CTNND2: variants seen among roughly 807,000 people sequenced by gnomAD.
CTNND2 encodes the protein catenin delta-2.
A neutral mutation model predicts 144.4 loss-of-function variants in CTNND2; 22 were observed. That is an observed-to-expected ratio of 0.15 (90% CI 0.11 to 0.22). The LOEUF is 0.22. Among genes scored for constraint, CTNND2 ranks in the 10% least tolerant of loss-of-function variants. The pLI, the probability that CTNND2 is intolerant of heterozygous loss-of-function variation, is 1.00. For synonymous variants in CTNND2, 751 were observed against 695.6 expected, an observed-to-expected ratio of 1.08 and a Z score of -1.25; for missense variants, 1,353 against 1,618.8, an observed-to-expected ratio of 0.84 and a Z score of 2.82.
At chr5:11,453,524 G>T (rs898871948) in intron 3 of CTNND2, among the ~76,000 whole-genome samples, 1 of 152,154 alleles carries the variant, frequency 6.6e-6, no homozygotes, top group African/African-American at 2.4e-5. Flanking sequence ...AATCATAGGA[G>T]GTTTCAGCCG....
chr5:11,415,930 T>C (rs1436951756), intron 3 of CTNND2, among the ~76,000 whole-genome samples: 1 of 152,170 alleles, frequency 6.6e-6, no homozygotes, highest in Non-Finnish European at 1.5e-5. Context: ...TGAGTAACTA[T>C]GTGGAATGGA....
At chr5:11,377,726 G>A (rs1247720777) in intron 7 of CTNND2, among the ~76,000 whole-genome samples, 1 of 152,098 alleles carries the variant, frequency 6.6e-6, no homozygotes, top group Admixed American at 6.5e-5. Context: ...AAGACATTTT[G>A]GGCCACCTCG....
chr5:11,117,602 G>C (rs369089757), intron 12 of CTNND2, 35 bp from the exon 13 acceptor site: 227 of 1,529,434 alleles, frequency 1.5e-4, no homozygotes, highest in Non-Finnish European at 1.9e-4. Context: ...CGATCTTCAC[G>C]GTTGTCACCA....
intron 9 of CTNND2, among the ~76,000 whole-genome samples, chr5:11,238,461 A>C (rs1342258770): frequency 6.6e-6 from 1 of 152,240 alleles, no homozygotes; most frequent in African/African-American, 2.4e-5. Flanking sequence ...AAAGGTTAAA[A>C]GTGTCCTCAA....
intron 1 of CTNND2, among the ~76,000 whole-genome samples, chr5:11,763,747 T>A (rs4702823): frequency 6.6e-6 from 1 of 152,042 alleles, no homozygotes; most frequent in Non-Finnish European, 1.5e-5. Context: ...AAATGGATGA[T>A]ATGAGCTTCA....
chr5:11,327,674 T>A (rs1752667364), intron 9 of CTNND2, among the ~76,000 whole-genome samples: 1 of 152,186 alleles, frequency 6.6e-6, no homozygotes, highest in Non-Finnish European at 1.5e-5. Context: ...CATCATAACG[T>A]CATAGCTTGG....
At chr5:11,241,405 G>T (rs916499710) in intron 9 of CTNND2, among the ~76,000 whole-genome samples, 2 of 152,196 alleles carry the variant, frequency 1.3e-5, no homozygotes, top group Non-Finnish European at 2.9e-5. Context: ...AGACTGGAAG[G>T]TGAACGTAAG....
At chr5:11,102,970 A>ATTTTTTTTTTTTTTTTTT (rs778134907) in intron 14 of CTNND2, among the ~76,000 whole-genome samples, 10 of 84,090 alleles carry the variant, frequency 1.2e-4, no homozygotes, top group East Asian at 3.9e-4. Flanking sequence ...TATTTAAAAG[A>ATTTTTTTTTTTTTTTTTT]TTTTTTTTTT....
At chr5:11,885,981 A>G (rs1016101413) in intron 1 of CTNND2, among the ~76,000 whole-genome samples, 1 of 152,136 alleles carries the variant, frequency 6.6e-6, no homozygotes, top group African/African-American at 2.4e-5. Flanking sequence ...AAACAAATAA[A>G]AATGGAAACA....
intron 12 of CTNND2, among the ~76,000 whole-genome samples, chr5:11,152,658 C>T (rs1164495037): frequency 1.3e-5 from 2 of 152,170 alleles, no homozygotes; most frequent in Non-Finnish European, 2.9e-5. Flanking sequence ...GAGCCCTCGT[C>T]ACTGGTGGAG....
chr5:11,888,612 T>G (rs1246407310), intron 1 of CTNND2, among the ~76,000 whole-genome samples: 1 of 152,120 alleles, frequency 6.6e-6, no homozygotes, highest in East Asian at 1.9e-4. Flanking sequence ...TTGAGGAGAG[T>G]GAAAATAATT....
rs142671622 is a variant in CTNND2, at chr5:11,852,446, A to G, written c.37+51371T>C. On this transcript the variant is annotated intron_variant, in intron 1 of 21. Transcript: ENST00000304623. ...AACAAATGGCAAGAATCAAGAGAGA[A>G]CTGAGAAAAATACTGTGAGAAAACT... 1.9e-3 allele frequency among the ~76,000 whole-genome samples: 290 copies of G among 152,332 alleles called. 1 individual carries two copies. The highest frequency in any genetic ancestry group is 6.7e-3 in the African/African-American group (280 of 41,574).
intron 9 of CTNND2, among the ~76,000 whole-genome samples, chr5:11,300,696 C>T (rs1223792797): frequency 1.3e-5 from 2 of 151,924 alleles, no homozygotes; most frequent in South Asian, 2.1e-4. Flanking sequence ...TAAAAATTTA[C>T]CCGTTGTTTA....
intron 3 of CTNND2, among the ~76,000 whole-genome samples, chr5:11,536,979 C>T (rs1163439134): frequency 6.6e-6 from 1 of 151,992 alleles, no homozygotes; most frequent in East Asian, 1.9e-4. Context: ...GTATTGGTAT[C>T]TGCCTGGGGA....
At chr5:11,466,489 C>A (rs931973888) in intron 3 of CTNND2, among the ~76,000 whole-genome samples, 1 of 152,158 alleles carries the variant, frequency 6.6e-6, no homozygotes, top group African/African-American at 2.4e-5. Context: ...CAAATCCACA[C>A]TAGACTATGA....
rs1488733088 is a variant in CTNND2, at chr5:10,988,724, C to T, written c.3212-482G>A. On this transcript the variant is annotated intron_variant, in intron 19 of 21. Transcript: ENST00000304623. The surrounding 1 kb of genome is among the most constrained non-coding windows in gnomAD (Gnocchi z 5.9). ...GCAGTTTTACTTAAACACTGAGTCA[C>T]CTAGAAACTGCCTTTAAAAAAGTCA... 2.0e-5 allele frequency among the ~76,000 whole-genome samples: 3 copies of T among 152,096 alleles called. No homozygotes were observed. The highest frequency in any genetic ancestry group is 4.4e-5 in the Non-Finnish European group (3 of 68,038).
chr5:11,329,707 G>A (rs919065954), intron 9 of CTNND2, among the ~76,000 whole-genome samples: 3 of 152,176 alleles, frequency 2.0e-5, no homozygotes, highest in African/African-American at 2.4e-5. Context: ...AGAGGGAAGC[G>A]TCAGGGTGGC....
chr5:11,280,087 G>A (rs1746966711), intron 9 of CTNND2, among the ~76,000 whole-genome samples: 1 of 152,002 alleles, frequency 6.6e-6, no homozygotes, highest in African/African-American at 2.4e-5. Context: ...CCATACCCCA[G>A]CCACACTGAA....
chr5:11,590,812 C>T (rs1779194224), intron 2 of CTNND2, among the ~76,000 whole-genome samples: 1 of 152,228 alleles, frequency 6.6e-6, no homozygotes, highest in African/African-American at 2.4e-5. Flanking sequence ...AACCTATAAA[C>T]TAATGATAAT....
Sources: gnomAD v4.1 joint callset for allele counts (sites outside exome capture counted in the v4.1 genomes callset) on GRCh38, gnomAD v4.1.1 for gene constraint, Gnocchi (gnomAD v3.1) non-coding constraint, MANE v1.5 for transcripts, NCBI Gene and HGNC (gene_info 2026-07-23, HGNC 2026-07-21) for gene names.